PTPRN2: variants seen among roughly 807,000 people sequenced by gnomAD.
PTPRN2 encodes protein tyrosine phosphatase receptor type N2.
A neutral mutation model predicts 118.8 loss-of-function variants in PTPRN2; 74 were observed. The ratio of observed to expected loss-of-function variants is 0.62; its 90% CI spans 0.52 to 0.76. The LOEUF (loss-of-function observed/expected upper bound fraction) is 0.76, where lower values mean the gene tolerates loss of function less well. Ranked by LOEUF, PTPRN2 falls within the 30% of genes least tolerant of loss-of-function variation. The probability of loss-of-function intolerance (pLI) is 0.00; values close to 1 mark genes in which losing one functional copy is unlikely to be tolerated. For missense variants in PTPRN2, 1,481 were observed against 1,394.4 expected (o/e 1.06, Z -0.99); for synonymous variants, 641 against 608.0 (o/e 1.05, Z -0.80).
At chr7:158,336,697 G>A (rs1454446894) in intron 2 of PTPRN2, among the ~76,000 whole-genome samples, 1 of 124,278 alleles carries the variant, frequency 8.0e-6, no homozygotes, top group Non-Finnish European at 1.7e-5. Flanking sequence ...GCCCGCAGAC[G>A]TCACTCACAC....
At chr7:158,298,251 C>G (rs1800635577) in intron 3 of PTPRN2, among the ~76,000 whole-genome samples, 1 of 151,768 alleles carries the variant, frequency 6.6e-6, no homozygotes, top group African/African-American at 2.4e-5. Context: ...TTATTTTCTT[C>G]TTTTTAATGT....
At position 157,576,512 on chromosome 7, in the gene PTPRN2, G is replaced by A. The variant is rs546130066; in HGVS notation, c.2783+101C>T. ...TCCCCCCTGCGGCGCCGACACAGAC[G>A]CGGCCCTCGGCGCCAGGGGCGTCTC... On this transcript the variant is annotated intron_variant, in intron 19 of 22. Transcript: ENST00000389418. 14 of 1,241,950 alleles carry A rather than the reference G, an allele frequency of 1.1e-5. No individual in the cohort carries two copies. The East Asian group carries it at 1.4e-4, about 12-fold the overall frequency. 76.9% of individuals were successfully genotyped at this position (1,241,950 alleles called of 1,614,324 possible).
At chr7:157,969,566 G>A (rs1459460061) in intron 11 of PTPRN2, among the ~76,000 whole-genome samples, 2 of 152,116 alleles carry the variant, frequency 1.3e-5, no homozygotes, top group Non-Finnish European at 2.9e-5. Context: ...ACCTCCTGAG[G>A]TGGGGGCCAG....
intron 3 of PTPRN2, among the ~76,000 whole-genome samples, chr7:158,218,451 T>C (rs1031902222): frequency 3.9e-5 from 6 of 152,122 alleles, no homozygotes; most frequent in Non-Finnish European, 5.9e-5. Flanking sequence ...GTGCTAAACA[T>C]GGAAACAAGA....
intron 11 of PTPRN2, 38 bp downstream of exon 11, chr7:158,081,260 G>GTGTGTGTGTGCACACACT: frequency 6.7e-7 from 1 of 1,502,110 alleles, no homozygotes; most frequent in Non-Finnish European, 9.2e-7. Flanking sequence ...GTGCACACAC[G>GTGTGTGTGTGCACACACT]TGTGTGTGCG....
intron 1 of PTPRN2, among the ~76,000 whole-genome samples, chr7:158,527,793 C>A (rs1824902120): frequency 6.6e-6 from 1 of 152,172 alleles, no homozygotes; most frequent in Non-Finnish European, 1.5e-5. Flanking sequence ...CTGTCCTCCG[C>A]CAGCTCTCAC....
chr7:158,324,072 CACACA>C (rs1204736979), intron 2 of PTPRN2, among the ~76,000 whole-genome samples: 7 of 152,294 alleles, frequency 4.6e-5, no homozygotes, highest in African/African-American at 1.7e-4. Context: ...CACACACACA[CACACA>C]CCCAGACACA....
intron 11 of PTPRN2, among the ~76,000 whole-genome samples, chr7:157,984,458 G>A (rs1427860872): frequency 1.2e-5 from 1 of 85,014 alleles, no homozygotes; most frequent in Non-Finnish European, 2.3e-5. Context: ...CCCCCCCCAC[G>A]CCAGGCTCCA....
In PTPRN2 at chr7:157,780,991, C is replaced by G. The variant is rs183231917; in HGVS notation, c.1789-98054G>C. 2.0e-5 allele frequency among the ~76,000 whole-genome samples: 3 copies of G among 152,226 alleles called. No individual in the cohort carries two copies. The highest frequency in any genetic ancestry group is 2.0e-4 in the Admixed American group (3 of 15,294). The stretch of plus-strand genomic sequence containing the variant: ...GGCCAAACCTTCTCTGGCCTCCTGC[C>G]GCTCACGGCCACAATCACCCCACAT... On this transcript the variant is annotated intron_variant, in intron 12 of 22. Transcript: ENST00000389418. This position sits in a 1 kb window ranked among gnomAD's most constrained non-coding sequence, Gnocchi z 4.5.
intron 12 of PTPRN2, among the ~76,000 whole-genome samples, chr7:157,694,795 G>C (rs899242450): frequency 1.3e-5 from 2 of 151,280 alleles, no homozygotes; most frequent in Admixed American, 6.6e-5. Context: ...TGAGATCTTA[G>C]ACTTCATTTA....
At position 158,237,742 on chromosome 7, in the gene PTPRN2, GGC is replaced by G. The variant is rs1795617036; in HGVS notation, c.278-32471_278-32470del. On this transcript the variant is annotated intron_variant, in intron 3 of 22. Coordinates refer to ENST00000389418, the MANE Select transcript of PTPRN2 (RefSeq NM_002847.5). ...CGAGAAACACCCACAGGTGTGTAGG[GGC>G]AACCCACCCCTACACTCTGCCACTT... is the stretch of plus-strand genomic sequence containing the variant. 2.2e-4 allele frequency among the ~76,000 whole-genome samples: 2 copies of G among 8,930 alleles called. 1 individual carries two copies. Among genetic ancestry groups the G allele is most frequent in the Non-Finnish European group, 3.5e-4 (2 of 5,746 alleles). The allele number at this position is 8,930 out of a possible 152,430, so 5.9% of individuals were successfully genotyped here. A position where few individuals can be genotyped will look rare whatever the true frequency, so the allele number is the denominator to read the frequency against.
chr7:158,071,360 GGTGCTC>G (rs1357067175), intron 11 of PTPRN2, among the ~76,000 whole-genome samples: 16 of 119,720 alleles, frequency 1.3e-4, no homozygotes, highest in South Asian at 3.0e-4. Flanking sequence ...TGGTGGTGGA[GGTGCTC>G]ATGGTGGTGG....
chr7:157,773,290 C>G (rs1487955996), intron 12 of PTPRN2, among the ~76,000 whole-genome samples: 1 of 152,208 alleles, frequency 6.6e-6, no homozygotes, highest in Non-Finnish European at 1.5e-5. Context: ...ACATTAGAAG[C>G]ACAAACCAAG....
intron 3 of PTPRN2, among the ~76,000 whole-genome samples, chr7:158,297,896 A>T (rs1800610068): frequency 6.6e-6 from 1 of 152,264 alleles, no homozygotes; most frequent in African/African-American, 2.4e-5. Context: ...AAGTTGACTG[A>T]AAATTTAAGG....
intron 2 of PTPRN2, among the ~76,000 whole-genome samples, chr7:158,419,324 C>T (rs541571941): frequency 3.9e-5 from 3 of 76,482 alleles, no homozygotes; most frequent in East Asian, 2.5e-4. Context: ...TTTTAGAAAA[C>T]GGCTGTTTTG....
At chr7:158,314,363 A>G (rs567767227) in intron 3 of PTPRN2, among the ~76,000 whole-genome samples, 1 of 152,252 alleles carries the variant, frequency 6.6e-6, no homozygotes, top group Non-Finnish European at 1.5e-5. Context: ...TCACAAGACA[A>G]GCAAACTCAG....
At chr7:158,270,815 C>CCACCCCCCCCACTTGGA (rs1798328352) in intron 3 of PTPRN2, among the ~76,000 whole-genome samples, 1 of 7,798 alleles carries the variant, frequency 1.3e-4, no homozygotes, top group Non-Finnish European at 2.5e-4. Flanking sequence ...CTCACCTGGA[C>CCACCCCCCCCACTTGGA]CGCCCCCTCC....
intron 11 of PTPRN2, among the ~76,000 whole-genome samples, chr7:157,902,102 A>T (rs2128753652): frequency 6.6e-6 from 1 of 152,344 alleles, no homozygotes; most frequent in Middle Eastern, 3.4e-3. Flanking sequence ...GCCACCCTGA[A>T]TTGGCAGTGC....
At chr7:158,527,408 G>A (rs1243162195) in intron 1 of PTPRN2, among the ~76,000 whole-genome samples, 2 of 152,208 alleles carry the variant, frequency 1.3e-5, no homozygotes, top group South Asian at 2.1e-4. Context: ...AATCCTCAGC[G>A]AGTGTCTGCC....
Sources: gnomAD v4.1 joint callset for allele counts (sites outside exome capture counted in the v4.1 genomes callset) on GRCh38, gnomAD v4.1.1 for gene constraint, Gnocchi (gnomAD v3.1) non-coding constraint, MANE v1.5 for transcripts, NCBI Gene and HGNC (gene_info 2026-07-23, HGNC 2026-07-21) for gene names.